PARP11: variants seen among roughly 807,000 people sequenced by gnomAD.
PARP11 encodes the protein protein mono-ADP-ribosyltransferase PARP11.
A neutral mutation model predicts 42.9 loss-of-function variants in PARP11; 31 were observed. That is an observed-to-expected ratio of 0.72 (90% confidence interval 0.54 to 0.98). The LOEUF is 0.98. PARP11 is among the 50% of genes least tolerant of loss of function. The pLI is 0.00. For missense variants in PARP11, 365 were observed against 413.1 expected, an observed-to-expected ratio of 0.88 and a Z score of 1.01; for synonymous variants, 137 against 127.3, an observed-to-expected ratio of 1.08 and a Z score of -0.51.
intron 1 of PARP11, among the ~76,000 whole-genome samples, chr12:3,857,021 T>C (rs539742481): frequency 6.6e-6 from 1 of 150,900 alleles, no homozygotes; most frequent in South Asian, 2.1e-4. Flanking sequence ...AGCAAACTAT[T>C]GCAAGGACAG....
At chr12:3,844,658 T>C (rs1479080748) in intron 1 of PARP11, among the ~76,000 whole-genome samples, 3 of 152,208 alleles carry the variant, frequency 2.0e-5, no homozygotes, top group Non-Finnish European at 2.9e-5. Context: ...ACAGAATATA[T>C]AGCTCCTGAA....
chr12:3,835,142 C>T (rs1165656149), intron 1 of PARP11, among the ~76,000 whole-genome samples: 1 of 152,100 alleles, frequency 6.6e-6, no homozygotes, highest in Non-Finnish European at 1.5e-5. Flanking sequence ...AATGTAAACT[C>T]CCTGAACTAT....
chr12:3,851,190 C>CT (rs1267896089), intron 1 of PARP11, among the ~76,000 whole-genome samples: 1 of 152,204 alleles, frequency 6.6e-6, no homozygotes, highest in Non-Finnish European at 1.5e-5. Context: ...CCCAGCGTGA[C>CT]TGACACAGAA....
intron 1 of PARP11, among the ~76,000 whole-genome samples, chr12:3,846,788 T>C (rs55633163): frequency 0.16 from 18,514 of 118,678 alleles, 1,205 homozygotes; most frequent in African/African-American, 0.2. Flanking sequence ...AAAAAAGAAA[T>C]AGAAAACTTG....
At chr12:3,825,109 C>CT (rs141388668) in intron 4 of PARP11, among the ~76,000 whole-genome samples, 12,166 of 146,626 alleles carry the variant, frequency 0.083, 1,052 homozygotes, top group African/African-American at 0.22. Context: ...AACATGCTAC[C>CT]TTTTTTTTTT....
chr12:3,826,460 A>G (rs573918649), intron 3 of PARP11, among the ~76,000 whole-genome samples: 103 of 152,344 alleles, frequency 6.8e-4, no homozygotes, highest in African/African-American at 2.3e-3. Context: ...AAGCTCACAC[A>G]TAAAGATGCT....
At chr12:3,848,091 C>T (rs556039516) in intron 1 of PARP11, among the ~76,000 whole-genome samples, 48 of 151,878 alleles carry the variant, frequency 3.2e-4, no homozygotes, top group East Asian at 9.6e-4. Flanking sequence ...AAAATACATA[C>T]GAGTCAATTT....
chr12:3,859,669 G>C (rs527721586), intron 1 of PARP11, among the ~76,000 whole-genome samples: 4 of 151,760 alleles, frequency 2.6e-5, no homozygotes, highest in Non-Finnish European at 4.4e-5. Context: ...TTTCAGATTA[G>C]ATTTTTTTGA....
intron 1 of PARP11, among the ~76,000 whole-genome samples, chr12:3,834,534 C>A (rs10848942): frequency 6.7e-6 from 1 of 149,532 alleles, no homozygotes; most frequent in African/African-American, 2.5e-5. Flanking sequence ...CTCAGGAGGC[C>A]GAGAGAAGAG....
At chr12:3,836,026 C>T (rs1036965149) in intron 1 of PARP11, among the ~76,000 whole-genome samples, 4 of 151,632 alleles carry the variant, frequency 2.6e-5, no homozygotes, top group African/African-American at 9.7e-5. Flanking sequence ...TATATATATA[C>T]ACACACACAT....
intron 1 of PARP11, among the ~76,000 whole-genome samples, chr12:3,857,010 G>T (rs1384064698): frequency 6.6e-6 from 1 of 151,786 alleles, no homozygotes; most frequent in African/African-American, 2.4e-5. Flanking sequence ...CCATCATTCT[G>T]AGCAAACTAT....
At chr12:3,818,047 C>A (rs1303797417) in intron 6 of PARP11, among the ~76,000 whole-genome samples, 1 of 152,184 alleles carries the variant, frequency 6.6e-6, no homozygotes, top group Non-Finnish European at 1.5e-5. Flanking sequence ...TCAATCCAAC[C>A]ATTTCCACTA....
intron 1 of PARP11, among the ~76,000 whole-genome samples, chr12:3,866,548 C>T (rs1948393958): frequency 6.6e-6 from 1 of 152,106 alleles, no homozygotes; most frequent in Admixed American, 6.5e-5. Flanking sequence ...TTTAAAGTTA[C>T]CATTCACTAT....
chr12:3,857,700 C>T (rs1948218373), intron 1 of PARP11, among the ~76,000 whole-genome samples: 1 of 151,656 alleles, frequency 6.6e-6, no homozygotes, highest in African/African-American at 2.4e-5. Context: ...ACTAGTTTCA[C>T]AAACATTTTG....
chr12:3,839,933 G>C, intron 1 of PARP11: 2 of 1,167,850 alleles, frequency 1.7e-6, no homozygotes, highest in Non-Finnish European at 2.6e-6. Context: ...AGCTGCAAGA[G>C]TAAAACTGCT....
chr12:3,858,378 G>A (rs1218883670), intron 1 of PARP11, among the ~76,000 whole-genome samples: 1 of 152,164 alleles, frequency 6.6e-6, no homozygotes, highest in South Asian at 2.1e-4. Flanking sequence ...CATGTGATGA[G>A]ATTACTAAAG....
At chr12:3,819,479 G>A (rs1268377548) in intron 6 of PARP11, among the ~76,000 whole-genome samples, 3 of 151,996 alleles carry the variant, frequency 2.0e-5, no homozygotes, top group African/African-American at 7.3e-5. Context: ...TAGATGCCAG[G>A]AGCACCCCCA....
chr12:3,833,520 C>G (rs1359530335), intron 1 of PARP11, among the ~76,000 whole-genome samples: 4 of 152,208 alleles, frequency 2.6e-5, no homozygotes, highest in African/African-American at 4.8e-5. Flanking sequence ...GGAAGGATTA[C>G]TTGAGCCTAG....
chr12:3,817,703 T>C (rs1460303013), intron 6 of PARP11, among the ~76,000 whole-genome samples: 7 of 152,198 alleles, frequency 4.6e-5, no homozygotes, highest in Non-Finnish European at 8.8e-5. Context: ...TCTTAGGGAC[T>C]AGAGTGCCAA....
Sources: allele counts gnomAD v4.1 joint callset (sites outside exome capture counted in the v4.1 genomes callset), GRCh38; gene constraint gnomAD v4.1.1; transcripts MANE v1.5; gene names NCBI Gene and HGNC (gene_info 2026-07-23, HGNC 2026-07-21).